Variants in SPATA16 observed in about 807,000 individuals in gnomAD.
SPATA16 encodes spermatogenesis-associated protein 16.
A neutral mutation model predicts 63.3 loss-of-function variants in SPATA16; 36 were observed. The ratio of observed to expected loss-of-function variants is 0.57; its 90% CI spans 0.44 to 0.75. The LOEUF (loss-of-function observed/expected upper bound fraction) is 0.75, where lower values mean the gene tolerates loss of function less well. Among genes scored for constraint, SPATA16 ranks in the 30% least tolerant of loss-of-function variants. The pLI, the probability that SPATA16 is intolerant of heterozygous loss-of-function variation, is 0.00. For missense variants in SPATA16, 646 were observed against 679.3 expected (o/e 0.95, Z 0.54); for synonymous variants, 203 against 216.7 (o/e 0.94, Z 0.56).
chr3:173,028,769 AC>A lies in SPATA16; in HGVS notation c.759-9195del, dbSNP rs199851302. On this transcript the variant is annotated intron_variant, in intron 3 of 10. Transcript: ENST00000351008. ...CAATATAACACATTGTTTTCAAATA[AC>A]AAGTGATGTTTTCACTGAATTGTGC... Among the ~76,000 whole-genome samples, 12 of 152,138 alleles carry A rather than the reference AC, an allele frequency of 7.9e-5. No individual in the cohort carries two copies. In the East Asian group the frequency reaches 1.9e-3, roughly 24 times the overall value.
At chr3:173,010,595 C>T (rs6780800) in intron 4 of SPATA16, among the ~76,000 whole-genome samples, 11,305 of 152,170 alleles carry the variant, frequency 0.074, 1,439 homozygotes, top group African/African-American at 0.26. Context: ...TAAGTACTTT[C>T]GTGCCTCTAG....
chr3:173,067,774 A>G (rs796520134), intron 2 of SPATA16, among the ~76,000 whole-genome samples: 48 of 152,308 alleles, frequency 3.2e-4, no homozygotes, highest in African/African-American at 1.2e-3. Context: ...TCAAAGAACG[A>G]CAAGCAGATC....
At chr3:172,894,879 G>C (rs552818231) in intron 10 of SPATA16, among the ~76,000 whole-genome samples, 2 of 152,160 alleles carry the variant, frequency 1.3e-5, no homozygotes, top group Non-Finnish European at 2.9e-5. Context: ...GTCTGCCACT[G>C]CCTTGATTTT....
intron 1 of SPATA16, among the ~76,000 whole-genome samples, chr3:173,125,507 A>G (rs1485151239): frequency 6.6e-6 from 1 of 152,170 alleles, no homozygotes; most frequent in Non-Finnish European, 1.5e-5. Flanking sequence ...TTGGTCTACT[A>G]TGTTCCAGCC....
chr3:173,058,865 C>T (rs536677455), intron 2 of SPATA16, among the ~76,000 whole-genome samples: 23 of 152,034 alleles, frequency 1.5e-4, no homozygotes, highest in Admixed American at 3.9e-4. Flanking sequence ...GGAAAGATTG[C>T]CATCTTTCTA....
chr3:172,953,013 A>G (rs1283871562), intron 6 of SPATA16, among the ~76,000 whole-genome samples: 1 of 151,882 alleles, frequency 6.6e-6, no homozygotes, highest in East Asian at 1.9e-4. Flanking sequence ...AGTGACAACA[A>G]CCTCTATTCC....
intron 5 of SPATA16, among the ~76,000 whole-genome samples, chr3:172,974,308 G>A (rs1734107696): frequency 6.6e-6 from 1 of 152,056 alleles, no homozygotes; most frequent in South Asian, 2.1e-4. Flanking sequence ...TCTGGCAAAG[G>A]TGGTGAAAAT....
chr3:173,009,158 C>T (rs1009821710), intron 4 of SPATA16, among the ~76,000 whole-genome samples: 5 of 152,186 alleles, frequency 3.3e-5, no homozygotes, highest in Admixed American at 6.5e-5. Flanking sequence ...AGATGGCAGA[C>T]TAGAAGCAGC....
chr3:172,928,296 T>C (rs1732787441), intron 6 of SPATA16, among the ~76,000 whole-genome samples: 2 of 152,222 alleles, frequency 1.3e-5, no homozygotes, highest in South Asian at 4.1e-4. Flanking sequence ...AAAAATGTGA[T>C]TTCTACTTTT....
At position 172,898,795 on chromosome 3, in the gene SPATA16, G is replaced by A. The variant is rs527610201; in HGVS notation, c.1588-9103C>T. ...TTCTTTTTCTAGGTTTTTGAACTCG[G>A]ATTTCAGTTATTGATTTGAGATAGC... On this transcript the variant is annotated intron_variant, in intron 10 of 10. Transcript: ENST00000351008. 1.4e-3 allele frequency among the ~76,000 whole-genome samples: 204 copies of A among 151,050 alleles called. 1 individual carries two copies. The highest frequency in any genetic ancestry group is 4.6e-3 in the African/African-American group (188 of 41,298).
At chr3:173,115,033 G>A (rs912104489) in intron 2 of SPATA16, among the ~76,000 whole-genome samples, 1 of 152,064 alleles carries the variant, frequency 6.6e-6, no homozygotes, top group Non-Finnish European at 1.5e-5. Flanking sequence ...ATTAGTGTCA[G>A]CATCCAAAAC....
At chr3:173,084,667 C>T (rs910794393) in intron 2 of SPATA16, among the ~76,000 whole-genome samples, 1 of 152,090 alleles carries the variant, frequency 6.6e-6, no homozygotes, top group East Asian at 1.9e-4. Flanking sequence ...ACATTTAAGT[C>T]TTTAATCCAT....
chr3:173,019,286 T>C lies in SPATA16; in HGVS notation c.848+200A>G, dbSNP rs17760014. ...TCATGGCTGGAAAGTTTGAATTTTG[T>C]TAAGAGCTATGAACATGGAATAGCT... On this transcript the variant is annotated intron_variant, in intron 4 of 10. Coordinates refer to ENST00000351008, the MANE Select transcript of SPATA16 (RefSeq NM_031955.6). Among the ~76,000 whole-genome samples, 800 of 152,258 alleles carry C rather than the reference T, an allele frequency of 5.3e-3. 7 individuals are homozygous for C. The highest frequency in any genetic ancestry group is 0.017 in the Middle Eastern group (5 of 294).
intron 5 of SPATA16, among the ~76,000 whole-genome samples, chr3:172,964,452 G>A (rs1733861857): frequency 6.6e-6 from 1 of 152,162 alleles, no homozygotes; most frequent in Non-Finnish European, 1.5e-5. Flanking sequence ...GGATGCCACA[G>A]AGCTTTTATT....
At chr3:172,899,922 A>C (rs1240646360) in intron 10 of SPATA16, among the ~76,000 whole-genome samples, 1 of 152,096 alleles carries the variant, frequency 6.6e-6, no homozygotes, top group East Asian at 1.9e-4. Flanking sequence ...CCTTTATATA[A>C]ATTCAGAACT....
chr3:172,937,147 A>G (rs1196159597), intron 6 of SPATA16, among the ~76,000 whole-genome samples: 4 of 152,164 alleles, frequency 2.6e-5, no homozygotes, highest in African/African-American at 9.7e-5. Context: ...CACATTTGAC[A>G]TCAGAATATT....
At chr3:172,961,069 T>TCTTC (rs770794784) in intron 5 of SPATA16, among the ~76,000 whole-genome samples, 6,091 of 71,312 alleles carry the variant, frequency 0.085, 347 homozygotes, top group Middle Eastern at 0.1. Context: ...CTTTCTTCTT[T>TCTTC]CTTCCTTCCT....
At chr3:172,971,072 A>T (rs1221720694) in intron 5 of SPATA16, among the ~76,000 whole-genome samples, 1 of 152,186 alleles carries the variant, frequency 6.6e-6, no homozygotes, top group Non-Finnish European at 1.5e-5. Context: ...AAATCTATTC[A>T]CTTGCTGCTC....
At position 173,049,005 on chromosome 3, in the gene SPATA16, A is replaced by C; in HGVS notation, c.702T>G (p.Leu234=). 1 of 1,613,894 alleles carries C rather than the reference A, an allele frequency of 6.2e-7. No homozygotes were observed. The highest frequency in any genetic ancestry group is 2.2e-5 in the East Asian group (1 of 44,870). The change falls in exon 3 of 11, where the codon CTT becomes CTG. Residue 234 remains leucine, a synonymous_variant. Coordinates refer to ENST00000351008, the MANE Select transcript of SPATA16 (RefSeq NM_031955.6). ...ASVASFIETK[L]VTCYLRMRKP... is the part of the protein sequence containing the mutation. ...TCCTCATCCGTAGATAACAGGTAAC[A>C]AGCTTTGTCTCAATGAAACTTGCCA... is the stretch of plus-strand genomic sequence containing the variant.
Sources: gnomAD v4.1 joint callset for allele counts (sites outside exome capture counted in the v4.1 genomes callset) on GRCh38, gnomAD v4.1.1 for gene constraint, MANE v1.5 for transcripts, NCBI Gene and HGNC (gene_info 2026-07-23, HGNC 2026-07-21) for gene names.